CALN1: variants seen among roughly 807,000 people sequenced by gnomAD.
CALN1 encodes the protein calneuron 1, also known as calcium-binding protein 8.
Under a neutral mutation model 30.6 loss-of-function variants are expected in CALN1, and 17 were observed. That is an observed-to-expected ratio of 0.56 (90% CI 0.38 to 0.83). CALN1 has a LOEUF of 0.83. CALN1 is among the 40% of genes least tolerant of loss of function. The pLI is 0.00. For synonymous variants in CALN1, 156 were observed against 131.4 expected (o/e 1.19, Z -1.28); for missense variants, 291 against 354.9 (o/e 0.82, Z 1.45).
chr7:72,439,766 A>G (rs1486788057), intron 1 of CALN1, among the ~76,000 whole-genome samples: 1 of 151,904 alleles, frequency 6.6e-6, no homozygotes, highest in Non-Finnish European at 1.5e-5. Flanking sequence ...TGTAGTAGAG[A>G]TGGGGTTTCA....
At chr7:72,462,153 T>TG in the CALN1 span, among the ~76,000 whole-genome samples, 1 of 151,344 alleles carries the variant, frequency 6.6e-6, no homozygotes, top group African/African-American at 2.5e-5. Context: ...CTTTATTTAA[T>TG]TTATGTATGT....
At chr7:72,381,636 C>A (rs545652528) in intron 2 of CALN1, among the ~76,000 whole-genome samples, 53 of 152,128 alleles carry the variant, frequency 3.5e-4, no homozygotes, top group African/African-American at 1.2e-3. Context: ...CACTCATAAG[C>A]GGGAGCTGAA....
intron 5 of CALN1, among the ~76,000 whole-genome samples, chr7:71,975,839 T>C (rs143265247): frequency 1.2e-4 from 18 of 151,424 alleles, no homozygotes; most frequent in Non-Finnish European, 2.1e-4. Context: ...CTCTTGCTCT[T>C]CCATCCTCTT....
intron 3 of CALN1, among the ~76,000 whole-genome samples, chr7:72,184,534 G>A (rs998814284): frequency 6.6e-6 from 1 of 152,244 alleles, no homozygotes; most frequent in Non-Finnish European, 1.5e-5. Context: ...GAAGCACTCA[G>A]TAGTGGTTGG....
intron 5 of CALN1, among the ~76,000 whole-genome samples, chr7:71,889,781 C>G (rs991947414): frequency 6.6e-6 from 1 of 152,140 alleles, no homozygotes; most frequent in Non-Finnish European, 1.5e-5. Context: ...ATGGCGAAAC[C>G]CTGTCTCTAC....
At chr7:72,316,546 T>C (rs934396557) in intron 2 of CALN1, among the ~76,000 whole-genome samples, 4 of 152,162 alleles carry the variant, frequency 2.6e-5, no homozygotes, top group Non-Finnish European at 4.4e-5. Context: ...CATCAATGAT[T>C]ACCTCTGGGG....
chr7:72,044,682 G>A (rs896292698), intron 4 of CALN1, among the ~76,000 whole-genome samples: 5 of 140,570 alleles, frequency 3.6e-5, no homozygotes, highest in Admixed American at 3.2e-4. Context: ...TACAATCACA[G>A]CTCATTGCAG....
rs186711875 is a variant in CALN1 at position 72,317,323 on chromosome 7, G to A, written c.120-38513C>T. On this transcript the variant is annotated intron_variant, in intron 2 of 6. Coordinates refer to ENST00000395275, the MANE Select transcript of CALN1 (RefSeq NM_031468.4). Reference sequence around the variant, plus strand: ...AAAAGGAGGGAAGGTGTTTCCAAATGAGAAAGCAAAAATGAGACAGCAGCA... The same window carrying A: ...AAAAGGAGGGAAGGTGTTTCCAAATAAGAAAGCAAAAATGAGACAGCAGCA... 3.2e-3 allele frequency among the ~76,000 whole-genome samples: 490 copies of A among 152,238 alleles called. 2 individuals carry two copies. The highest frequency in any genetic ancestry group is 0.011 in the African/African-American group (460 of 41,562).
chr7:72,106,885 AAAG>A lies in CALN1; in HGVS notation c.245-594_245-592del, dbSNP rs200653556. Among the ~76,000 whole-genome samples, 148 of 148,038 alleles carry A rather than the reference AAAG, an allele frequency of 1.0e-3. 1 individual carries two copies. Among genetic ancestry groups the A allele is most frequent in the East Asian group, 6.7e-3 (32 of 4,784 alleles). ...GGAGGAAGGAAGGAAGGAAAAAAGG[AAAG>A]AAGAAAGAAAAAGGAAGGAAGGAGG... is the stretch of plus-strand genomic sequence containing the variant. On this transcript the variant is annotated intron_variant, in intron 3 of 6. Transcript: ENST00000395275.
At chr7:72,319,621 G>A (rs931989310) in intron 2 of CALN1, among the ~76,000 whole-genome samples, 6 of 152,146 alleles carry the variant, frequency 3.9e-5, no homozygotes, top group Admixed American at 2.6e-4. Flanking sequence ...GGAACAGGAG[G>A]CCATTATCTG....
chr7:72,230,036 G>A lies in CALN1; in HGVS notation c.244+48650C>T, dbSNP rs185243886. ...GGCGCCTGTAGTTCCAGCTACTCAG[G>A]AGGCTGAGGCAGGGGAATGGCGTGA... On this transcript the variant is annotated intron_variant, in intron 3 of 6. Transcript: ENST00000395275. 2.4e-3 allele frequency among the ~76,000 whole-genome samples: 364 copies of A among 149,896 alleles called. 2 individuals are homozygous for A. The highest frequency in any genetic ancestry group is 0.017 in the Middle Eastern group (5 of 294).
At chr7:72,499,913 C>CT in the CALN1 span, among the ~76,000 whole-genome samples, 11 of 29,952 alleles carry the variant, frequency 3.7e-4, 1 homozygote, top group East Asian at 2.6e-3. Context: ...TTCTTTCTTT[C>CT]TATCTTTCTC....
intron 1 of CALN1, among the ~76,000 whole-genome samples, chr7:72,431,622 C>T (rs532319304): frequency 9.2e-5 from 14 of 152,184 alleles, no homozygotes; most frequent in East Asian, 5.8e-4. Flanking sequence ...GAAGATCGTT[C>T]GAGGCCAACA....
chr7:71,863,254 C>T (rs1419546206), intron 5 of CALN1, among the ~76,000 whole-genome samples: 1 of 149,948 alleles, frequency 6.7e-6, no homozygotes, highest in Non-Finnish European at 1.5e-5. Flanking sequence ...GTGAGACCCT[C>T]TCTCTCTCTC....
chr7:71,831,801 A>G (rs1054389907), intron 5 of CALN1, among the ~76,000 whole-genome samples: 2 of 147,380 alleles, frequency 1.4e-5, no homozygotes, highest in Non-Finnish European at 3.0e-5. Context: ...CTGAGTCAGA[A>G]GAATCGCATG....
At chr7:72,421,782 G>T (rs2129563679) in intron 1 of CALN1, among the ~76,000 whole-genome samples, 1 of 151,594 alleles carries the variant, frequency 6.6e-6, no homozygotes, top group Non-Finnish European at 1.5e-5. Flanking sequence ...TAGAGACAGG[G>T]TTTCACCATG....
intron 2 of CALN1, among the ~76,000 whole-genome samples, chr7:72,347,253 TTTC>T (rs1221383756): frequency 6.6e-6 from 1 of 151,694 alleles, no homozygotes; most frequent in Non-Finnish European, 1.5e-5. Flanking sequence ...TTTTTCCTTT[TTTC>T]TTTTTTTTGA....
chr7:71,982,832 G>C (rs930707569), intron 5 of CALN1, among the ~76,000 whole-genome samples: 1 of 152,072 alleles, frequency 6.6e-6, no homozygotes, highest in Non-Finnish European at 1.5e-5. Context: ...AGAAAGGCAG[G>C]CCAGAAGCTT....
intron 1 of CALN1, among the ~76,000 whole-genome samples, chr7:72,432,053 G>C (rs906936109): frequency 6.6e-6 from 1 of 152,080 alleles, no homozygotes; most frequent in African/African-American, 2.4e-5. Context: ...TGATTTGGCT[G>C]TGTCCCCACC....
Sources: allele counts gnomAD v4.1 joint callset (sites outside exome capture counted in the v4.1 genomes callset), GRCh38; gene constraint gnomAD v4.1.1; transcripts MANE v1.5; gene names NCBI Gene and HGNC (gene_info 2026-07-23, HGNC 2026-07-21).